Variants in SAMD4A observed in about 807,000 individuals in gnomAD.
The protein encoded by SAMD4A is protein Smaug homolog 1.
Under a neutral mutation model 81.3 loss-of-function variants are expected in SAMD4A, and 33 were observed. The observed-to-expected ratio is 0.41, with a 90% CI of 0.31 to 0.54. SAMD4A has a LOEUF of 0.54. SAMD4A is among the 20% of genes least tolerant of loss of function. The pLI, the probability that SAMD4A is intolerant of heterozygous loss-of-function variation, is 0.37. For missense variants in SAMD4A, 854 were observed against 951.1 expected (o/e 0.90, Z 1.34); for synonymous variants, 389 against 382.1 (o/e 1.02, Z -0.21).
At chr14:54,650,154 A>C (rs2035373195) in intron 2 of SAMD4A, among the ~76,000 whole-genome samples, 1 of 152,242 alleles carries the variant, frequency 6.6e-6, no homozygotes, top group African/African-American at 2.4e-5. Context: ...GAATGAAAAG[A>C]AATTAAATTG....
chr14:54,749,693 C>T (rs1194329525), intron 5 of SAMD4A, among the ~76,000 whole-genome samples: 1 of 152,228 alleles, frequency 6.6e-6, no homozygotes, highest in Non-Finnish European at 1.5e-5. Context: ...CCACGCTGTG[C>T]TCGGGTAAAT....
chr14:54,609,018 T>G (rs1050273380), intron 2 of SAMD4A, among the ~76,000 whole-genome samples: 2 of 152,264 alleles, frequency 1.3e-5, no homozygotes, highest in African/African-American at 4.8e-5. Context: ...TTCATTTTAT[T>G]CCTGGTAACT....
At chr14:54,700,200 GC>G (rs2036677995) in intron 2 of SAMD4A, among the ~76,000 whole-genome samples, 1 of 152,136 alleles carries the variant, frequency 6.6e-6, no homozygotes. Flanking sequence ...TACTTGACCA[GC>G]CCTTTTGCTA....
intron 4 of SAMD4A, among the ~76,000 whole-genome samples, chr14:54,739,260 C>T (rs944182384): frequency 6.6e-6 from 1 of 151,854 alleles, no homozygotes; most frequent in African/African-American, 2.4e-5. Context: ...AAGGAATATA[C>T]CATATCTAAG....
At chr14:54,666,377 C>G (rs1566574068) in intron 2 of SAMD4A, among the ~76,000 whole-genome samples, 1 of 152,146 alleles carries the variant, frequency 6.6e-6, no homozygotes. Context: ...AGGGTATTGG[C>G]TCTGGGACCC....
rs2038808648 is a variant in SAMD4A at position 54,775,118 on chromosome 14, A to G, written c.1900A>G (p.Met634Val). Residue 634 changes from methionine to valine, a missense_variant, in exon 10 of 13, where the codon ATG (methionine) becomes GTG (valine). Around this residue, in one of 3 missense-constraint regions of SAMD4A, gnomAD observed 428 missense variants for 471.2 expected, o/e 0.91. Coordinates refer to ENST00000554335, the MANE Select transcript of SAMD4A (RefSeq NM_015589.6). ...QRNTTATPTI[M>V]KQGRQNLWFA... The stretch of plus-strand genomic sequence containing the variant: ...CAACACCACAGCTACCCCCACCATC[A>G]TGAAACAAGGAAGACAGGTTTGTTC... 6.2e-7 allele frequency: 1 copy of G among 1,614,158 alleles called. No individual in the cohort carries two copies. Among genetic ancestry groups the G allele is most frequent in the Non-Finnish European group, 8.5e-7 (1 of 1,180,016 alleles).
intron 2 of SAMD4A, among the ~76,000 whole-genome samples, chr14:54,686,939 G>A (rs1425425002): frequency 2.6e-5 from 4 of 152,190 alleles, no homozygotes; most frequent in African/African-American, 9.7e-5. Context: ...CCCATCAGTT[G>A]TTTGATAAAT....
At chr14:54,607,078 T>C (rs2034227761) in intron 2 of SAMD4A, among the ~76,000 whole-genome samples, 1 of 152,164 alleles carries the variant, frequency 6.6e-6, no homozygotes, top group Non-Finnish European at 1.5e-5. Context: ...AGGAGTTCAG[T>C]GCTTTCAAGG....
chr14:54,749,337 G>T (rs1274121805), intron 5 of SAMD4A, among the ~76,000 whole-genome samples: 1 of 152,086 alleles, frequency 6.6e-6, no homozygotes, highest in Non-Finnish European at 1.5e-5. Flanking sequence ...TGGCTTGTTT[G>T]GGAAGTGACA....
chr14:54,715,954 GA>G (rs1238031012), intron 3 of SAMD4A, among the ~76,000 whole-genome samples: 1 of 151,106 alleles, frequency 6.6e-6, no homozygotes, highest in African/African-American at 2.4e-5. Context: ...GGATTCTAAA[GA>G]AAAAAAAATC....
At chr14:54,632,331 A>G (rs908028370) in intron 2 of SAMD4A, among the ~76,000 whole-genome samples, 1 of 152,228 alleles carries the variant, frequency 6.6e-6, no homozygotes, top group African/African-American at 2.4e-5. Context: ...AATAGTCAGT[A>G]TGTGCATGTT....
chr14:54,702,822 AAAAT>A, intron 3 of SAMD4A: 4 of 480,272 alleles, frequency 8.3e-6, no homozygotes, highest in Non-Finnish European at 7.4e-6. Flanking sequence ...AAACAGACCA[AAAAT>A]AAATAGACAA....
intron 2 of SAMD4A, among the ~76,000 whole-genome samples, chr14:54,592,443 A>G (rs1019316864): frequency 6.6e-6 from 1 of 152,116 alleles, no homozygotes; most frequent in East Asian, 1.9e-4. Flanking sequence ...AAACATTTGC[A>G]TTGTTAACAC....
At chr14:54,759,062 T>C (rs563917049) in intron 6 of SAMD4A, among the ~76,000 whole-genome samples, 1 of 152,096 alleles carries the variant, frequency 6.6e-6, no homozygotes, top group Non-Finnish European at 1.5e-5. Flanking sequence ...AGAATCAACT[T>C]TTATTTCTTT....
intron 2 of SAMD4A, among the ~76,000 whole-genome samples, chr14:54,670,289 C>T (rs1289834489): frequency 6.6e-6 from 1 of 152,134 alleles, no homozygotes; most frequent in Non-Finnish European, 1.5e-5. Context: ...AAGTAGGTTA[C>T]CGTTCATCTG....
At chr14:54,605,583 A>G (rs933658890) in intron 2 of SAMD4A, among the ~76,000 whole-genome samples, 1 of 152,158 alleles carries the variant, frequency 6.6e-6, no homozygotes, top group Non-Finnish European at 1.5e-5. Context: ...TAAACTGACA[A>G]TTCTCAGGAG....
intron 3 of SAMD4A, among the ~76,000 whole-genome samples, chr14:54,727,956 C>T (rs1438974493): frequency 6.6e-6 from 1 of 152,174 alleles, no homozygotes; most frequent in Non-Finnish European, 1.5e-5. Flanking sequence ...TCCTGATCAC[C>T]CTCACAGCCT....
At chr14:54,768,981 G>A (rs1012748264) in intron 8 of SAMD4A, among the ~76,000 whole-genome samples, 6 of 152,168 alleles carry the variant, frequency 3.9e-5, no homozygotes, top group Non-Finnish European at 8.8e-5. Flanking sequence ...CTGTTACTGA[G>A]TAATATTTTA....
chr14:54,697,034 G>A (rs1191366415), intron 2 of SAMD4A: 1 of 152,152 alleles, frequency 6.6e-6, no homozygotes, highest in Non-Finnish European at 1.5e-5. Context: ...CTTCCCCAGG[G>A]AGGAGAATTT....
Sources: allele counts gnomAD v4.1 joint callset (sites outside exome capture counted in the v4.1 genomes callset), GRCh38; gene constraint gnomAD v4.1.1; regional missense constraint gnomAD v4.1.1; transcripts MANE v1.5; gene names NCBI Gene and HGNC (gene_info 2026-07-23, HGNC 2026-07-21).